Variants in GFRA2 observed in about 807,000 individuals in gnomAD.
GFRA2 encodes the protein GDNF family receptor alpha-2.
Under a neutral mutation model 48.3 loss-of-function variants are expected in GFRA2, and 17 were observed. The observed-to-expected ratio is 0.35, with a 90% CI of 0.24 to 0.53. The LOEUF (loss-of-function observed/expected upper bound fraction) is 0.53, where lower values mean the gene tolerates loss of function less well. Among genes scored for constraint, GFRA2 ranks in the 20% least tolerant of loss-of-function variants. The probability of loss-of-function intolerance (pLI) is 0.93; values close to 1 mark genes in which losing one functional copy is unlikely to be tolerated. For missense variants in GFRA2, 660 were observed against 637.3 expected (o/e 1.04, Z -0.38); for synonymous variants, 305 against 257.2 (o/e 1.19, Z -1.78).
At chr8:21,713,322 C>A (rs984861028) in intron 4 of GFRA2, among the ~76,000 whole-genome samples, 2 of 151,840 alleles carry the variant, frequency 1.3e-5, no homozygotes, top group South Asian at 2.1e-4. Flanking sequence ...CCCCACCCAC[C>A]GTAGCTGGGA....
At chr8:21,694,995 C>T (rs953603507) in intron 7 of GFRA2, among the ~76,000 whole-genome samples, 1 of 152,144 alleles carries the variant, frequency 6.6e-6, no homozygotes, top group Non-Finnish European at 1.5e-5. Flanking sequence ...TGATGGAGGG[C>T]TCTATATAAA....
At chr8:21,802,971 G>T (rs1181364653) in intron 2 of GFRA2, among the ~76,000 whole-genome samples, 1 of 152,236 alleles carries the variant, frequency 6.6e-6, no homozygotes, top group African/African-American at 2.4e-5. Context: ...AAGCATTCAT[G>T]TAAAATATCA....
chr8:21,716,040 C>T (rs73552677), intron 4 of GFRA2, among the ~76,000 whole-genome samples: 16,067 of 152,150 alleles, frequency 0.11, 1,256 homozygotes, highest in African/African-American at 0.22. Context: ...CAGAAACATT[C>T]GGCCAGGCGC....
chr8:21,806,174 G>A (rs1435970688), intron 1 of GFRA2, among the ~76,000 whole-genome samples: 1 of 152,134 alleles, frequency 6.6e-6, no homozygotes, highest in Admixed American at 6.5e-5. Flanking sequence ...TCCACCACTT[G>A]AAGTCAGAAC....
chr8:21,789,619 C>G (rs1311664806), upstream of GFRA2, among the ~76,000 whole-genome samples: 5 of 152,136 alleles, frequency 3.3e-5, no homozygotes, highest in Middle Eastern at 3.4e-3. Context: ...CCGCGCGCCC[C>G]CGAACCCAAC....
intron 4 of GFRA2, among the ~76,000 whole-genome samples, chr8:21,709,186 A>C (rs1295758268): frequency 6.6e-6 from 1 of 152,204 alleles, no homozygotes; most frequent in African/African-American, 2.4e-5. Context: ...GCAGGAGTCC[A>C]TTCTAACGCC....
chr8:21,789,604 C>T (rs971973320), upstream of GFRA2, among the ~76,000 whole-genome samples: 1 of 152,116 alleles, frequency 6.6e-6, no homozygotes. Flanking sequence ...CCTTCGGCGC[C>T]GGCCCCGCGC....
intron 7 of GFRA2, 134 bp from the exon 8 acceptor site, chr8:21,694,651 G>A: frequency 1.3e-6 from 1 of 790,572 alleles, no homozygotes; most frequent in Non-Finnish European, 2.1e-6. Flanking sequence ...GGTGAAGAGG[G>A]TAGCTCAATT....
intron 2 of GFRA2, among the ~76,000 whole-genome samples, chr8:21,802,666 AT>A (rs1807792058): frequency 6.6e-6 from 1 of 152,142 alleles, no homozygotes; most frequent in Admixed American, 6.5e-5. Flanking sequence ...TCTGTCTTCA[AT>A]AAGACAGGAT....
intron 2 of GFRA2, among the ~76,000 whole-genome samples, chr8:21,775,999 G>A (rs1465804515): frequency 8.5e-6 from 1 of 117,920 alleles, no homozygotes; most frequent in Non-Finnish European, 1.7e-5. Flanking sequence ...CTGTGTGTGT[G>A]TGTGTGTGTG....
intron 1 of GFRA2, among the ~76,000 whole-genome samples, 163 bp downstream of exon 1, chr8:21,787,957 C>G (rs1444382301): frequency 6.6e-6 from 1 of 151,906 alleles, no homozygotes. Flanking sequence ...TCGTCCGCGT[C>G]CCTGCCGCCC....
chr8:21,703,697 G>A (rs1474915138), intron 6 of GFRA2, among the ~76,000 whole-genome samples: 2 of 152,018 alleles, frequency 1.3e-5, no homozygotes, highest in African/African-American at 2.4e-5. Flanking sequence ...GTCACCCTTG[G>A]TGCCTCCCTG....
intron 1 of GFRA2, among the ~76,000 whole-genome samples, chr8:21,787,559 C>T (rs909639847): frequency 6.6e-6 from 1 of 152,134 alleles, no homozygotes; most frequent in East Asian, 1.9e-4. Context: ...CGTGGGGACG[C>T]GGGCTCCGTT....
At chr8:21,716,755 T>TA (rs1280984713) in intron 4 of GFRA2, among the ~76,000 whole-genome samples, 3 of 152,044 alleles carry the variant, frequency 2.0e-5, no homozygotes, top group Non-Finnish European at 1.5e-5. Flanking sequence ...ATTATAATAG[T>TA]AAAAAAACAC....
At chr8:21,764,168 ACAGAAATTTATTTCT>A (rs1806045088) in intron 3 of GFRA2, among the ~76,000 whole-genome samples, 1 of 152,118 alleles carries the variant, frequency 6.6e-6, no homozygotes, top group South Asian at 2.1e-4. Context: ...TAAATAAATC[ACAGAAATTTATTTCT>A]CATGGTTCTC....
chr8:21,765,097 TTTC>T (rs1481299319), intron 3 of GFRA2, among the ~76,000 whole-genome samples: 2 of 149,278 alleles, frequency 1.3e-5, no homozygotes, highest in Non-Finnish European at 3.0e-5. Context: ...TTTCTTTTTC[TTTC>T]TTTTTATTTT....
chr8:21,756,840 G>A (rs527300168), intron 3 of GFRA2, among the ~76,000 whole-genome samples: 1 of 152,244 alleles, frequency 6.6e-6, no homozygotes, highest in South Asian at 2.1e-4. Flanking sequence ...GAGATATTCC[G>A]GAGCTAGAAA....
intron 7 of GFRA2, among the ~76,000 whole-genome samples, chr8:21,695,767 C>T (rs961372171): frequency 2.6e-5 from 4 of 152,122 alleles, no homozygotes; most frequent in African/African-American, 9.7e-5. Context: ...AAAAAGAACA[C>T]GCCCACCCCC....
chr8:21,759,403 A>T (rs556653786), intron 3 of GFRA2, among the ~76,000 whole-genome samples: 1 of 125,288 alleles, frequency 8.0e-6, no homozygotes, highest in Non-Finnish European at 1.6e-5. Context: ...AAAGAAAGGA[A>T]GAGAGAGAGG....
Sources: allele counts gnomAD v4.1 joint callset (sites outside exome capture counted in the v4.1 genomes callset), GRCh38; gene constraint gnomAD v4.1.1; transcripts MANE v1.5; gene names NCBI Gene and HGNC (gene_info 2026-07-23, HGNC 2026-07-21).